NIPBL: variants seen among roughly 807,000 people sequenced by gnomAD.
NIPBL encodes nipped-B-like protein.
A neutral mutation model predicts 321.8 loss-of-function variants in NIPBL; 19 were observed. The observed-to-expected ratio is 0.06, with a 90% CI of 0.04 to 0.09. The LOEUF (loss-of-function observed/expected upper bound fraction) is 0.09. Among genes scored for constraint, NIPBL ranks in the 10% least tolerant of loss-of-function variants. The probability of loss-of-function intolerance (pLI) is 1.00; values close to 1 mark genes in which losing one functional copy is unlikely to be tolerated. For synonymous variants in NIPBL, 1,106 were observed against 1,114.1 expected (o/e 0.99, Z 0.14); for missense variants, 2,210 against 3,327.0 (o/e 0.66, Z 8.26).
chr5:36,955,415 A>G (rs1740828955), intron 2 of NIPBL, 57 bp from the exon 3 acceptor site: 1 of 1,393,830 alleles, frequency 7.2e-7, no homozygotes, highest in Non-Finnish European at 1.0e-6. Flanking sequence ...ACAGATAAGC[A>G]CTAAAGAGAC....
rs146726396 is a variant in NIPBL at position 37,062,720 on chromosome 5, G to C, written c.7861-1070G>C. 2.6e-5 allele frequency among the ~76,000 whole-genome samples: 4 copies of C among 152,278 alleles called. No individual in the cohort carries two copies. The East Asian group carries it at 7.7e-4, about 29-fold the overall frequency. On this transcript the variant is annotated intron_variant, in intron 45 of 46. Coordinates refer to ENST00000282516, the MANE Select transcript of NIPBL (RefSeq NM_133433.4). ...GGTTTGCTTGAGTCCAGGAAGTCCA[G>C]GCCAGCCTGAGCAACAGGGTGAGAC... is the stretch of plus-strand genomic sequence containing the variant.
intron 38 of NIPBL, 72 bp downstream of exon 38, chr5:37,046,271 T>G: frequency 1.2e-6 from 1 of 865,462 alleles, no homozygotes; most frequent in Non-Finnish European, 2.0e-6. Context: ...ATTGTGAATC[T>G]AAATTGTTGA....
chr5:36,902,936 A>T (rs999088287), intron 1 of NIPBL, among the ~76,000 whole-genome samples: 1 of 150,904 alleles, frequency 6.6e-6, no homozygotes, highest in East Asian at 1.9e-4. Flanking sequence ...GTAAACTCTG[A>T]TTTTTTTTTA....
chr5:37,031,188 G>A (rs1457202609), intron 32 of NIPBL, among the ~76,000 whole-genome samples: 1 of 152,036 alleles, frequency 6.6e-6, no homozygotes, highest in Non-Finnish European at 1.5e-5. Flanking sequence ...GTTTCACCAT[G>A]TTGGCCAGGC....
At chr5:36,893,887 A>G (rs966931588) in intron 1 of NIPBL, among the ~76,000 whole-genome samples, 1 of 152,206 alleles carries the variant, frequency 6.6e-6, no homozygotes, top group African/African-American at 2.4e-5. Context: ...AGATAGTGTA[A>G]ATGAATTTGG....
rs1473725320 is a variant in NIPBL, at chr5:36,962,204, A to G, written c.540A>G (p.Pro180=). The G allele has an allele frequency of 6.2e-7, 1 of 1,613,996 alleles. No homozygotes were observed. The highest frequency in any genetic ancestry group is 1.3e-5 in the African/African-American group (1 of 74,912). ...GCCCAGTGCCTAGTCCATACGCCCC[A>G]CAAAGCCCTGCAGGATACATGCCAT... is the stretch of plus-strand genomic sequence containing the variant. The part of the protein sequence containing the change: ...QNSPVPSPYA[P]QSPAGYMPYS... The change falls in exon 6 of 47, where the codon CCA becomes CCG. Residue 180 remains proline (P), a synonymous_variant. Coordinates refer to ENST00000282516, the MANE Select transcript of NIPBL (RefSeq NM_133433.4).
chr5:36,889,254 A>G (rs918327865), intron 1 of NIPBL, among the ~76,000 whole-genome samples: 4 of 152,112 alleles, frequency 2.6e-5, no homozygotes, highest in Non-Finnish European at 4.4e-5. Flanking sequence ...CTGGACAATA[A>G]GGTTTGTTTA....
chr5:36,926,812 T>C (rs893874613), intron 1 of NIPBL, among the ~76,000 whole-genome samples: 8 of 152,182 alleles, frequency 5.3e-5, no homozygotes, highest in Non-Finnish European at 8.8e-5. Flanking sequence ...AATCATGTGG[T>C]TTTTAATCTG....
chr5:37,026,452 T>A (rs760759433), intron 31 of NIPBL, 125 bp downstream of exon 31: 16 of 701,300 alleles, frequency 2.3e-5, no homozygotes, highest in Middle Eastern at 2.4e-4. Flanking sequence ...TACTGCTGCC[T>A]TTACTTTATA....
intron 1 of NIPBL, among the ~76,000 whole-genome samples, chr5:36,938,006 C>T (rs893224207): frequency 2.0e-5 from 3 of 152,078 alleles, no homozygotes; most frequent in African/African-American, 7.2e-5. Flanking sequence ...TTAATAGCAC[C>T]GGTTGTTTGC....
At chr5:36,982,751 T>C (rs1744287452) in intron 9 of NIPBL, among the ~76,000 whole-genome samples, 1 of 151,820 alleles carries the variant, frequency 6.6e-6, no homozygotes. Flanking sequence ...TATTTTGTAA[T>C]CCTTTAAAAA....
At chr5:37,055,808 C>G (rs1487588266) in intron 42 of NIPBL, among the ~76,000 whole-genome samples, 1 of 151,638 alleles carries the variant, frequency 6.6e-6, no homozygotes, top group East Asian at 1.9e-4. Context: ...GAGTTCCATA[C>G]CAGCCTGGGC....
intron 6 of NIPBL, among the ~76,000 whole-genome samples, chr5:36,964,002 A>G (rs1258171751): frequency 6.6e-6 from 1 of 152,202 alleles, no homozygotes; most frequent in Non-Finnish European, 1.5e-5. Flanking sequence ...TGTAAATTTT[A>G]TCTCTAAGAA....
intron 1 of NIPBL, among the ~76,000 whole-genome samples, chr5:36,922,149 A>G (rs930030920): frequency 1.3e-5 from 2 of 151,906 alleles, no homozygotes; most frequent in Admixed American, 6.6e-5. Flanking sequence ...CAGCCTCCCA[A>G]AGTGTTGAGA....
chr5:36,952,080 G>A (rs1561070596), intron 1 of NIPBL, among the ~76,000 whole-genome samples: 1 of 149,626 alleles, frequency 6.7e-6, no homozygotes, highest in Non-Finnish European at 1.5e-5. Flanking sequence ...GCGCATGTGT[G>A]TGTGTAGCAG....
chr5:36,938,011 G>A (rs1171376072), intron 1 of NIPBL, among the ~76,000 whole-genome samples: 1 of 152,114 alleles, frequency 6.6e-6, no homozygotes, highest in Non-Finnish European at 1.5e-5. Context: ...AGCACCGGTT[G>A]TTTGCCATGT....
At chr5:37,020,907 GAT>G in intron 27 of NIPBL, 30 bp downstream of exon 27, 1 of 1,430,462 alleles carries the variant, frequency 7.0e-7, no homozygotes, top group Non-Finnish European at 9.9e-7. Flanking sequence ...CTTATACAGT[GAT>G]ATTGATTTTT....
At position 37,015,751 on chromosome 5, in the gene NIPBL, G is replaced by A. The variant is rs72736710; in HGVS notation, c.4644-287G>A. ...ATCTCAAAAAAATAAAGAATTTATG[G>A]TGATCTTTTAGGTAGAAAAACAGTG... On this transcript the variant is annotated intron_variant, in intron 22 of 46. Transcript: ENST00000282516. Among the ~76,000 whole-genome samples the A allele has an allele frequency of 0.017, 2,658 of 152,132 alleles. 31 individuals are homozygous for A. The highest frequency in any genetic ancestry group is 0.041 in the Middle Eastern group (12 of 294).
rs2149672479 is a variant in NIPBL at position 37,002,693 on chromosome 5, C to T, written c.3696C>T (p.Leu1232=). The change falls in exon 15 of 47, where the codon CTC becomes CTT. Residue 1232 remains leucine, a synonymous_variant. Coordinates refer to ENST00000282516, the MANE Select transcript of NIPBL (RefSeq NM_133433.4). ...ATGATGAAATTCCTCAGGAACTGCT[C>T]TTAGGAAAACATCAGCTTAATGAAC... ...GDDDEIPQEL[L]LGKHQLNELG... is the part of the protein sequence containing the mutation. 1 of 1,612,498 alleles carries T rather than the reference C, an allele frequency of 6.2e-7. No individual in the cohort carries two copies. The highest frequency in any genetic ancestry group is 2.2e-5 in the East Asian group (1 of 44,764).
Sources: gnomAD v4.1 joint callset for allele counts (sites outside exome capture counted in the v4.1 genomes callset) on GRCh38, gnomAD v4.1.1 for gene constraint, MANE v1.5 for transcripts, NCBI Gene and HGNC (gene_info 2026-07-23, HGNC 2026-07-21) for gene names.